The following RACGAP1 variants were observed in gnomAD, a reference collection of about 807,000 sequenced individuals.
The protein encoded by RACGAP1 is Rac GTPase activating protein 1.
In RACGAP1, 30 loss-of-function variants were observed where a neutral mutation model predicts 78.1. That is an observed-to-expected ratio of 0.38 (90% CI 0.29 to 0.52). RACGAP1 has a LOEUF of 0.52. Among genes scored for constraint, RACGAP1 ranks in the 20% least tolerant of loss-of-function variants. The pLI is 0.82. For missense variants in RACGAP1, 587 were observed against 777.1 expected (o/e 0.76, Z 2.91); for synonymous variants, 231 against 264.8 (o/e 0.87, Z 1.24).
chr12:50,031,687 T>A, intron 2 of RACGAP1: 1 of 985,338 alleles, frequency 1.0e-6, no homozygotes, highest in Non-Finnish European at 1.2e-6. Flanking sequence ...CCAGGATAAG[T>A]TCTACTCACC....
chr12:50,012,420 G>A (rs1949398812), intron 2 of RACGAP1, among the ~76,000 whole-genome samples: 3 of 152,074 alleles, frequency 2.0e-5, no homozygotes, highest in African/African-American at 7.2e-5. Flanking sequence ...AATTAGCCAG[G>A]CGTGGTGGCA....
chr12:50,016,769 CAAA>C (rs756543214), intron 1 of RACGAP1, 50 bp from the exon 2 acceptor site: 106 of 1,577,350 alleles, frequency 6.7e-5, no homozygotes, highest in Non-Finnish European at 8.6e-5. Flanking sequence ...TCGCCCACAA[CAAA>C]AGATTCTATA....
At chr12:50,014,973 G>T (rs576868796) in intron 2 of RACGAP1, among the ~76,000 whole-genome samples, 1 of 150,850 alleles carries the variant, frequency 6.6e-6, no homozygotes. Flanking sequence ...AGCCAGGGAG[G>T]TGGAGGTTGC....
intron 1 of RACGAP1, among the ~76,000 whole-genome samples, chr12:50,017,520 GC>G (rs1949747048): frequency 6.6e-6 from 1 of 152,310 alleles, no homozygotes; most frequent in South Asian, 2.1e-4. Context: ...GTCGTTACAG[GC>G]GGTTCTATTC....
At chr12:50,018,886 G>C (rs1949835380) in intron 1 of RACGAP1, among the ~76,000 whole-genome samples, 1 of 150,914 alleles carries the variant, frequency 6.6e-6, no homozygotes, top group South Asian at 2.1e-4. Context: ...CTGTCCCCCA[G>C]GCCAGAGTCC....
intron 1 of RACGAP1, among the ~76,000 whole-genome samples, chr12:50,017,650 T>C (rs1949754672): frequency 6.6e-6 from 1 of 152,188 alleles, no homozygotes; most frequent in African/African-American, 2.4e-5. Context: ...AAAAGTCAAA[T>C]TTTATTAGAA....
chr12:50,012,820 T>C (rs1048171648), intron 2 of RACGAP1, among the ~76,000 whole-genome samples: 3 of 151,198 alleles, frequency 2.0e-5, no homozygotes, highest in Non-Finnish European at 4.4e-5. Flanking sequence ...TCCCAGCACT[T>C]TGGGAGGCCA....
chr12:50,029,900 AT>A (rs748261242), upstream of RACGAP1, among the ~76,000 whole-genome samples: 2 of 152,288 alleles, frequency 1.3e-5, no homozygotes, highest in African/African-American at 4.8e-5. Flanking sequence ...CTCAAAAAAA[AT>A]AAATAAATAA....
At position 49,989,369 on chromosome 12, in the gene RACGAP1, A is replaced by T. The variant is rs1302761470; in HGVS notation, c.*899T>A. 1 of 152,200 alleles carries T rather than the reference A, an allele frequency of 6.6e-6. No homozygotes were observed. The highest frequency in any genetic ancestry group is 1.5e-5 in the Non-Finnish European group (1 of 68,028). The allele number at this position is 152,200 out of a possible 1,614,324, so 9.4% of individuals were successfully genotyped here. A position where few individuals can be genotyped will look rare whatever the true frequency, so the allele number is the denominator to read the frequency against. On this transcript the variant is annotated 3_prime_UTR_variant, in exon 17 of 17. Coordinates refer to ENST00000312377, the MANE Select transcript of RACGAP1 (RefSeq NM_001319999.2). ...AATTTCAGCATCCAAAGTGCAAAGA[A>T]AAAATGACTGTAGCTTTTCTTACCA...
At chr12:50,018,658 T>C (rs1478675114) in intron 1 of RACGAP1, 3 of 854,048 alleles carry the variant, frequency 3.5e-6, no homozygotes, top group Admixed American at 2.5e-5. Context: ...CATCTCGGCA[T>C]TCACTTATAT....
chr12:49,991,615 G>C lies in RACGAP1; in HGVS notation c.1714+383C>G, dbSNP rs533968902. On this transcript the variant is annotated intron_variant, in intron 15 of 16. Coordinates refer to ENST00000312377, the MANE Select transcript of RACGAP1 (RefSeq NM_001319999.2). ...CAATTCCTTGTGCCTCAGCCGCCCT[G>C]GTAGCTGGGATTACAGGCATGCGCC... Among the ~76,000 whole-genome samples, 72 of 147,268 alleles carry C rather than the reference G, an allele frequency of 4.9e-4. No individual in the cohort carries two copies. The South Asian group carries it at 0.012, about 25-fold the overall frequency.
intron 7 of RACGAP1, among the ~76,000 whole-genome samples, chr12:49,999,961 C>T (rs1017543885): frequency 2.0e-5 from 3 of 150,354 alleles, no homozygotes; most frequent in Admixed American, 6.7e-5. Context: ...AAGGCATTCT[C>T]CTGCCTCAGC....
Position 50,006,452 on chromosome 12 carries a change from C to G in RACGAP1, c.270G>C (p.Glu90Asp). 1 of 1,614,142 alleles carries G rather than the reference C, an allele frequency of 6.2e-7. No individual in the cohort carries two copies. The highest frequency in any genetic ancestry group is 8.5e-7 in the Non-Finnish European group (1 of 1,180,018). ...DVEIKRRQRA[E>D]ADCEKLERQI... Reference sequence around the variant, plus strand: ...TACACACCAGCTTTTCGCAGTCAGCCTCAGCTCTCTGTCTCCGTTTGATCT... The same window carrying G: ...TACACACCAGCTTTTCGCAGTCAGCGTCAGCTCTCTGTCTCCGTTTGATCT... Residue 90 changes from glutamate (E) to aspartate (D), a missense_variant, in exon 3 of 17, where the codon GAG (glutamate) becomes GAC (aspartate). By Grantham distance (45) the Glu-to-Asp change is conservative. Transcript: ENST00000312377.
chr12:49,991,475 ATATATTTTT>A (rs1161388013), intron 15 of RACGAP1, among the ~76,000 whole-genome samples: 62 of 33,866 alleles, frequency 1.8e-3, no homozygotes, highest in Middle Eastern at 8.8e-3. Context: ...ATATATATAT[ATATATTTTT>A]TTTTTTTTTT....
chr12:50,002,848 C>T (rs1363170568), intron 5 of RACGAP1, among the ~76,000 whole-genome samples: 7 of 151,900 alleles, frequency 4.6e-5, no homozygotes, highest in African/African-American at 1.7e-4. Flanking sequence ...GGTGAAACCC[C>T]GTCTCTACTA....
rs766063027 is a variant in RACGAP1, at chr12:49,990,301, T to G, written c.1866A>C (p.Gln622His). The G allele has an allele frequency of 6.2e-7, 1 of 1,613,992 alleles. No homozygotes were observed. The highest frequency in any genetic ancestry group is 1.7e-5 in the Admixed American group (1 of 60,018). Reference sequence around the variant, plus strand: ...GCATTGGAGAAGCAAAAAAGTTGCCTTGTCGTCCTAGGTTAGTGGCAGACT... The same window carrying G: ...GCATTGGAGAAGCAAAAAAGTTGCCGTGTCGTCCTAGGTTAGTGGCAGACT... ...KSKSATNLGR[Q>H]GNFFASPMLK The change falls in exon 17 of 17, where the codon CAA becomes CAC. Residue 622 changes from glutamine to histidine, a missense_variant. Transcript: ENST00000312377.
intron 15 of RACGAP1, among the ~76,000 whole-genome samples, chr12:49,991,457 T>TATATATATATATATATATATA (rs1555169076): frequency 1.1e-4 from 3 of 27,402 alleles, no homozygotes; most frequent in Non-Finnish European, 2.6e-4. Flanking sequence ...ATTTAAACTA[T>TATATATATATATATATATATA]TATATATATA....
At position 50,016,568 on chromosome 12, in the gene RACGAP1, T is replaced by C. The variant is rs965909440; in HGVS notation, c.85+63A>G. 9.9e-5 allele frequency: 149 copies of C among 1,507,108 alleles called. 2 individuals carry two copies. In the South Asian group the frequency reaches 1.6e-3, roughly 16 times the overall value. 93.4% of individuals were successfully genotyped at this position (1,507,108 alleles called of 1,614,324 possible). A position where few individuals can be genotyped will look rare whatever the true frequency, so the allele number is the denominator to read the frequency against. On this transcript the variant is annotated intron_variant, in intron 2 of 16. Coordinates refer to ENST00000312377, the MANE Select transcript of RACGAP1 (RefSeq NM_001319999.2). ...TTTAAGATTGGAAAATACTTCAGCT[T>C]TGTAAAAATCCCAAATTTGAAATCT...
At chr12:50,015,972 C>T (rs1224992102) in intron 2 of RACGAP1, among the ~76,000 whole-genome samples, 3 of 151,234 alleles carry the variant, frequency 2.0e-5, no homozygotes, top group Non-Finnish European at 4.4e-5. Context: ...CAAAGAAAAT[C>T]CAGGATAAAA....
Sources: allele counts gnomAD v4.1 joint callset (sites outside exome capture counted in the v4.1 genomes callset), GRCh38; gene constraint gnomAD v4.1.1; transcripts MANE v1.5; gene names NCBI Gene and HGNC (gene_info 2026-07-23, HGNC 2026-07-21).